Variants in SLC22A25 observed in about 807,000 individuals in gnomAD.
SLC22A25 encodes MGI:2442751, MGI:2385316, MGI:3042283, MGI:3645714, MGI:3605624, MGI:2442750.
In SLC22A25, 44 loss-of-function variants were observed where a neutral mutation model predicts 45.9. That is an observed-to-expected ratio of 0.96 (90% confidence interval 0.75 to 1.23). SLC22A25 has a LOEUF of 1.23. Ranked by LOEUF, SLC22A25 falls within the 50% of genes most tolerant of loss-of-function variation. The pLI is 0.00. For missense variants in SLC22A25, 800 were observed against 666.4 expected, an observed-to-expected ratio of 1.20 and a Z score of -2.21; for synonymous variants, 283 against 238.6, an observed-to-expected ratio of 1.19 and a Z score of -1.72.
At chr11:63,223,350 G>T (rs1406579226) in intron 5 of SLC22A25, among the ~76,000 whole-genome samples, 1 of 151,850 alleles carries the variant, frequency 6.6e-6, no homozygotes, top group Non-Finnish European at 1.5e-5. Flanking sequence ...GTTCAATCTT[G>T]GTAGGTTGTA....
At chr11:63,212,623 C>T (rs1490070556) in intron 7 of SLC22A25, among the ~76,000 whole-genome samples, 1 of 134,474 alleles carries the variant, frequency 7.4e-6, no homozygotes, top group Non-Finnish European at 1.5e-5. Context: ...GCAATGAGAA[C>T]ACATGGACGC....
chr11:63,163,982 G>C lies in SLC22A25; in HGVS notation c.1486C>G (p.Leu496Val). 1 of 1,613,934 alleles carries C rather than the reference G, an allele frequency of 6.2e-7. No individual in the cohort carries two copies. Among genetic ancestry groups the C allele is most frequent in the Non-Finnish European group, 8.5e-7 (1 of 1,179,894 alleles). The change falls in exon 12 of 12, where the codon CTG becomes GTG. Residue 496 changes from leucine (L) to valine (V), a missense_variant. Leu to Val is a conservative substitution (Grantham distance 32). Transcript: ENST00000306494. ...MMILSIYSRP[L>V]PWIIYGVFAI... ...AAGACTCCATAGATGATCCAGGGCAGGGGTCGAGAATATATGCTTAGGATC... is the reference window on the plus strand; with the variant it reads ...AAGACTCCATAGATGATCCAGGGCACGGGTCGAGAATATATGCTTAGGATC...
chr11:63,224,177 CT>C (rs1210114252), intron 5 of SLC22A25, among the ~76,000 whole-genome samples: 1 of 152,096 alleles, frequency 6.6e-6, no homozygotes, highest in Non-Finnish European at 1.5e-5. Flanking sequence ...TATCCTCTTG[CT>C]GAATTGACCC....
intron 4 of SLC22A25, 74 bp from the exon 5 acceptor site, chr11:63,228,638 G>A: frequency 9.0e-7 from 1 of 1,105,418 alleles, no homozygotes; most frequent in African/African-American, 1.6e-5. Context: ...TCTTAAAATA[G>A]CCTGCAAGTT....
At chr11:63,207,511 A>G (rs768705100) in intron 7 of SLC22A25, among the ~76,000 whole-genome samples, 5 of 152,246 alleles carry the variant, frequency 3.3e-5, no homozygotes, top group Non-Finnish European at 5.9e-5. Flanking sequence ...AACATATGAA[A>G]AAAAGCTCAT....
intron 7 of SLC22A25, among the ~76,000 whole-genome samples, chr11:63,194,588 G>A (rs573684134): frequency 5.3e-5 from 8 of 152,026 alleles, no homozygotes; most frequent in East Asian, 3.9e-4. Context: ...AAGGAACAAC[G>A]GGTATCAGCC....
intron 9 of SLC22A25, among the ~76,000 whole-genome samples, chr11:63,180,093 C>T (rs774440237): frequency 2.6e-5 from 4 of 152,136 alleles, no homozygotes; most frequent in Admixed American, 1.3e-4. Context: ...TTTTTGGTTT[C>T]GTGCTCATCT....
intron 7 of SLC22A25, among the ~76,000 whole-genome samples, chr11:63,213,601 T>G (rs117850253): frequency 0.026 from 3,975 of 152,282 alleles, 65 homozygotes; most frequent in Non-Finnish European, 0.04. Context: ...AATTCTAGAA[T>G]GCTAAAGTAT....
At chr11:63,218,576 T>C (rs2134819096) in intron 5 of SLC22A25, among the ~76,000 whole-genome samples, 1 of 152,318 alleles carries the variant, frequency 6.6e-6, no homozygotes, top group African/African-American at 2.4e-5. Flanking sequence ...AGTTCTCTCC[T>C]ATGTACTTTA....
intron 1 of SLC22A25, among the ~76,000 whole-genome samples, chr11:63,240,682 A>AAAT (rs2090233161): frequency 6.6e-6 from 1 of 152,158 alleles, no homozygotes; most frequent in Non-Finnish European, 1.5e-5. Flanking sequence ...TTTTTGTTAA[A>AAAT]AATAAAGACC....
intron 7 of SLC22A25, among the ~76,000 whole-genome samples, chr11:63,199,634 C>A (rs1565096261): frequency 6.6e-6 from 1 of 151,978 alleles, no homozygotes; most frequent in Admixed American, 6.6e-5. Context: ...CAAAGTAGCT[C>A]ACTTTGTGTG....
chr11:63,177,351 AGTGTGT>A (rs58040188), intron 9 of SLC22A25, among the ~76,000 whole-genome samples: 70,933 of 149,436 alleles, frequency 0.47, 17,112 homozygotes, highest in Non-Finnish European at 0.53. Context: ...TCATCATTTG[AGTGTGT>A]GTGTGTGTGT....
chr11:63,193,884 C>A (rs1252799525), intron 7 of SLC22A25, among the ~76,000 whole-genome samples: 3 of 152,132 alleles, frequency 2.0e-5, no homozygotes, highest in Non-Finnish European at 4.4e-5. Flanking sequence ...GGGGGATGTT[C>A]AAACCCATTG....
At chr11:63,203,160 G>A (rs1419669409) in intron 7 of SLC22A25, among the ~76,000 whole-genome samples, 4 of 152,040 alleles carry the variant, frequency 2.6e-5, no homozygotes, top group African/African-American at 4.8e-5. Flanking sequence ...GAAGGTCACC[G>A]ACATCAAAGA....
At chr11:63,175,704 T>C (rs1434892231) in intron 9 of SLC22A25, among the ~76,000 whole-genome samples, 1 of 152,046 alleles carries the variant, frequency 6.6e-6, no homozygotes, top group African/African-American at 2.4e-5. Context: ...TTCACCTATG[T>C]TTTCTTCTAG....
At chr11:63,178,063 T>TTA (rs72516041) in intron 9 of SLC22A25, among the ~76,000 whole-genome samples, 8 of 3,514 alleles carry the variant, frequency 2.3e-3, no homozygotes, top group East Asian at 0.25. Flanking sequence ...TTTTATTTAT[T>TTA]TTTTTTTTTG....
chr11:63,238,390 C>G (rs1169683371), intron 2 of SLC22A25, among the ~76,000 whole-genome samples: 2 of 105,562 alleles, frequency 1.9e-5, no homozygotes, highest in African/African-American at 1.1e-4. Context: ...GGGTTTTGAT[C>G]AACCTCCCAG....
At chr11:63,181,366 A>G (rs1204301442) in intron 8 of SLC22A25, among the ~76,000 whole-genome samples, 1 of 150,050 alleles carries the variant, frequency 6.7e-6, no homozygotes, top group African/African-American at 2.4e-5. Flanking sequence ...AGCATTAGGT[A>G]TATCTCCTAA....
At chr11:63,165,719 A>G (rs577537464) in intron 10 of SLC22A25, among the ~76,000 whole-genome samples, 1 of 152,322 alleles carries the variant, frequency 6.6e-6, no homozygotes, top group South Asian at 2.1e-4. Flanking sequence ...CAGCACCTCA[A>G]CACTTACTAA....
Sources: allele counts gnomAD v4.1 joint callset (sites outside exome capture counted in the v4.1 genomes callset), GRCh38; gene constraint gnomAD v4.1.1; transcripts MANE v1.5; gene names NCBI Gene and HGNC (gene_info 2026-07-23, HGNC 2026-07-21).